Variants in TECRL observed in about 807,000 individuals in gnomAD.
TECRL encodes the protein trans-2,3-enoyl-CoA reductase-like.
A neutral mutation model predicts 52.8 loss-of-function variants in TECRL; 63 were observed. The ratio of observed to expected loss-of-function variants is 1.19; its 90% CI spans 0.97 to 1.47. The LOEUF is 1.47. Among genes scored for constraint, TECRL ranks in the 40% most tolerant of loss-of-function variants. TECRL has a pLI of 0.00. For synonymous variants in TECRL, 164 were observed against 141.9 expected (o/e 1.16, Z -1.10); for missense variants, 482 against 429.6 (o/e 1.12, Z -1.08).
At chr4:64,380,766 G>C (rs1475639823) in intron 1 of TECRL, among the ~76,000 whole-genome samples, 1 of 151,896 alleles carries the variant, frequency 6.6e-6, no homozygotes, top group Non-Finnish European at 1.5e-5. Context: ...TTCTATTCTT[G>C]TACCAATGCA....
Position 64,309,809 on chromosome 4 carries a change from A to C in TECRL, c.657+17T>G. 1 of 1,485,548 alleles carries C rather than the reference A, an allele frequency of 6.7e-7. No homozygotes were observed. Among genetic ancestry groups the C allele is most frequent in the Non-Finnish European group, 9.4e-7 (1 of 1,066,058 alleles). The allele number at this position is 1,485,548 out of a possible 1,614,324, so 92.0% of individuals were successfully genotyped here. On this transcript the variant is annotated intron_variant, in intron 6 of 11. Coordinates refer to ENST00000381210, the MANE Select transcript of TECRL (RefSeq NM_001010874.5). Reference sequence around the variant, plus strand: ...TAAAATGTCTCAATCATTATTAAAAACACAAAGCATCCTCACCATTATCAA... The same window carrying C: ...TAAAATGTCTCAATCATTATTAAAACCACAAAGCATCCTCACCATTATCAA...
rs1383965334 is a variant in TECRL, at chr4:64,332,008, A to G, written c.287-3452T>C. ...AACAACTGAAAAAGTATGAGAAAATATTTTATCAAAATCTCCACAGAGTGG... is the reference window on the plus strand; with the variant it reads ...AACAACTGAAAAAGTATGAGAAAATGTTTTATCAAAATCTCCACAGAGTGG... On this transcript the variant is annotated intron_variant, in intron 2 of 11. Transcript: ENST00000381210. 2.6e-5 allele frequency among the ~76,000 whole-genome samples: 4 copies of G among 152,166 alleles called. No homozygotes were observed. The East Asian group carries it at 7.7e-4, about 29-fold the overall frequency.
At chr4:64,307,161 C>T (rs1384267242) in intron 6 of TECRL, among the ~76,000 whole-genome samples, 3 of 152,164 alleles carry the variant, frequency 2.0e-5, no homozygotes, top group South Asian at 4.1e-4. Context: ...TATGATCTGG[C>T]TCTGTCCATT....
chr4:64,354,155 A>G (rs1302827220), intron 2 of TECRL, among the ~76,000 whole-genome samples: 3 of 152,190 alleles, frequency 2.0e-5, no homozygotes, highest in Admixed American at 6.5e-5. Context: ...TGAGTGTTAA[A>G]TGATAGATAG....
intron 7 of TECRL, among the ~76,000 whole-genome samples, chr4:64,304,186 C>T (rs888084002): frequency 6.6e-6 from 1 of 151,806 alleles, no homozygotes; most frequent in Non-Finnish European, 1.5e-5. Context: ...AGCAATACTT[C>T]TATGTGCTAA....
rs573652480 is a variant in TECRL, at chr4:64,338,717, T to A, written c.287-10161A>T. Among the ~76,000 whole-genome samples, 9 of 152,180 alleles carry A rather than the reference T, an allele frequency of 5.9e-5. No individual in the cohort carries two copies. In the East Asian group the frequency reaches 1.7e-3, roughly 29 times the overall value. On this transcript the variant is annotated intron_variant, in intron 2 of 11. Coordinates refer to ENST00000381210, the MANE Select transcript of TECRL (RefSeq NM_001010874.5). ...TCACTGACCATCAGAGAAATGCAAA[T>A]CAAAACCACAATGAAATATCATCTC...
At chr4:64,403,804 G>C (rs1167682196) in intron 1 of TECRL, among the ~76,000 whole-genome samples, 1 of 150,568 alleles carries the variant, frequency 6.6e-6, no homozygotes, top group East Asian at 2.0e-4. Flanking sequence ...GAGGAAAAGG[G>C]GGGCAGGAAT....
At chr4:64,337,059 T>A (rs1268564486) in intron 2 of TECRL, among the ~76,000 whole-genome samples, 2 of 152,146 alleles carry the variant, frequency 1.3e-5, no homozygotes, top group South Asian at 2.1e-4. Flanking sequence ...TTCCTGGATA[T>A]CCTTGTTAAT....
chr4:64,287,576 C>T (rs1172866260), intron 9 of TECRL, among the ~76,000 whole-genome samples: 1 of 151,896 alleles, frequency 6.6e-6, no homozygotes, highest in African/African-American at 2.4e-5. Flanking sequence ...ACTGATTTAC[C>T]AAAAATATCT....
Position 64,287,264 on chromosome 4 carries a change from A to G in TECRL, c.832+2446T>C, listed in dbSNP as rs541293239. ...CTCAAAAAGTTGAGTACTCATCACA[A>G]TATTATGTAATGTGTAATAACAAAC... On this transcript the variant is annotated intron_variant, in intron 9 of 11. Coordinates refer to ENST00000381210, the MANE Select transcript of TECRL (RefSeq NM_001010874.5). Among the ~76,000 whole-genome samples, 8 of 152,280 alleles carry G rather than the reference A, an allele frequency of 5.3e-5. No individual in the cohort carries two copies. The East Asian group carries it at 1.4e-3, about 26-fold the overall frequency.
intron 1 of TECRL, among the ~76,000 whole-genome samples, chr4:64,401,675 A>G (rs1223493291): frequency 1.3e-5 from 2 of 152,164 alleles, no homozygotes; most frequent in Non-Finnish European, 2.9e-5. Flanking sequence ...CGTGTAATCT[A>G]AACTATTTGA....
chr4:64,321,778 A>G (rs984164086), intron 4 of TECRL, among the ~76,000 whole-genome samples: 10 of 152,042 alleles, frequency 6.6e-5, no homozygotes, highest in Admixed American at 6.6e-4. Context: ...AACACCTGCT[A>G]TTTTCCTCCA....
At chr4:64,359,369 G>A (rs1177160060) in intron 2 of TECRL, among the ~76,000 whole-genome samples, 1 of 151,838 alleles carries the variant, frequency 6.6e-6, no homozygotes, top group African/African-American at 2.4e-5. Context: ...CCGTTGAATT[G>A]TAAATGCCAT....
chr4:64,281,846 T>C (rs1196058229), intron 9 of TECRL, among the ~76,000 whole-genome samples: 1 of 151,850 alleles, frequency 6.6e-6, no homozygotes, highest in Non-Finnish European at 1.5e-5. Context: ...CTTAAATATA[T>C]ATAAATTATT....
chr4:64,290,235 C>T (rs1329419413), intron 8 of TECRL, among the ~76,000 whole-genome samples: 1 of 152,138 alleles, frequency 6.6e-6, no homozygotes. Context: ...TGCTGCCACA[C>T]AAAGAAACCT....
intron 5 of TECRL, among the ~76,000 whole-genome samples, 191 bp from the exon 6 acceptor site, chr4:64,310,122 TG>T (rs1412949162): frequency 6.6e-6 from 1 of 152,190 alleles, no homozygotes; most frequent in Non-Finnish European, 1.5e-5. Context: ...TAAAAGTAGC[TG>T]TTATAAGAGT....
intron 1 of TECRL, among the ~76,000 whole-genome samples, chr4:64,388,264 A>C (rs976333050): frequency 7.3e-6 from 1 of 137,226 alleles, no homozygotes; most frequent in African/African-American, 2.6e-5. Flanking sequence ...CTCCAGCACT[A>C]TTTGATGAAA....
intron 9 of TECRL, among the ~76,000 whole-genome samples, chr4:64,289,485 G>T (rs1052977969): frequency 6.6e-6 from 1 of 152,052 alleles, no homozygotes; most frequent in Non-Finnish European, 1.5e-5. Context: ...AGTGTGTGTG[G>T]GGAGGGTGAT....
chr4:64,326,491 AC>A (rs1359692789), intron 3 of TECRL, among the ~76,000 whole-genome samples: 1 of 152,108 alleles, frequency 6.6e-6, no homozygotes, highest in Non-Finnish European at 1.5e-5. Flanking sequence ...GACTTGCAGG[AC>A]AAGTGATCAT....
Sources: allele counts gnomAD v4.1 joint callset (sites outside exome capture counted in the v4.1 genomes callset), GRCh38; gene constraint gnomAD v4.1.1; transcripts MANE v1.5; gene names NCBI Gene and HGNC (gene_info 2026-07-23, HGNC 2026-07-21).